Variants in FAM216A observed in about 807,000 individuals in gnomAD.
FAM216A encodes the protein family with sequence similarity 216 member A, also known as protein FAM216A.
In FAM216A, 26 loss-of-function variants were observed where a neutral mutation model predicts 37.6. The ratio of observed to expected loss-of-function variants is 0.69; its 90% CI spans 0.51 to 0.96. The LOEUF (loss-of-function observed/expected upper bound fraction) is 0.96, where lower values mean the gene tolerates loss of function less well. FAM216A is among the 40% of genes least tolerant of loss of function. FAM216A has a pLI of 0.00. For synonymous variants in FAM216A, 110 were observed against 121.7 expected (o/e 0.90, Z 0.64); for missense variants, 326 against 339.3 (o/e 0.96, Z 0.31).
upstream of FAM216A, chr12:110,468,528 C>G (rs375509832): frequency 3.3e-6 from 5 of 1,537,164 alleles, no homozygotes; most frequent in African/African-American, 5.5e-5. Context: ...GTGCTTCGGT[C>G]CGTGGTTTGC....
At chr12:110,483,160 C>T (rs2062757853) in intron 2 of FAM216A, among the ~76,000 whole-genome samples, 1 of 151,780 alleles carries the variant, frequency 6.6e-6, no homozygotes, top group South Asian at 2.1e-4. Flanking sequence ...GCCGTCTCTA[C>T]TAAAAATACA....
At chr12:110,489,918 G>A (rs1227232828) in intron 6 of FAM216A, 101 bp from the exon 7 acceptor site, 15 of 624,966 alleles carry the variant, frequency 2.4e-5, no homozygotes, top group Non-Finnish European at 3.9e-5. Flanking sequence ...CAGGCAATTT[G>A]TCTTTACTAC....
chr12:110,480,983 G>T (rs1412007704), intron 2 of FAM216A, among the ~76,000 whole-genome samples: 2 of 151,996 alleles, frequency 1.3e-5, no homozygotes, highest in Non-Finnish European at 2.9e-5. Context: ...GTATATATTT[G>T]ATTTTCCTAG....
At chr12:110,484,426 C>CAAAAAA (rs61648841) in intron 2 of FAM216A, among the ~76,000 whole-genome samples, 3 of 51,270 alleles carry the variant, frequency 5.9e-5, no homozygotes, top group Non-Finnish European at 1.0e-4. Flanking sequence ...GACTCCGTCT[C>CAAAAAA]AAAAAAAAAA....
chr12:110,485,024 A>G (rs2062769250), intron 2 of FAM216A, 54 bp from the exon 3 acceptor site: 1 of 1,562,292 alleles, frequency 6.4e-7, no homozygotes, highest in Non-Finnish European at 8.7e-7. Context: ...TTAATAATTC[A>G]GTTTGTTGAA....
chr12:110,471,771 A>G (rs2062688047), intron 1 of FAM216A, among the ~76,000 whole-genome samples: 1 of 152,234 alleles, frequency 6.6e-6, no homozygotes, highest in African/African-American at 2.4e-5. Flanking sequence ...CATAACAAAA[A>G]CTTTATAAAC....
In FAM216A at chr12:110,469,186, G is replaced by T. The variant is rs115641629; in HGVS notation, c.143+168G>T. On this transcript the variant is annotated intron_variant, in intron 1 of 6. Transcript: ENST00000377673. Reference sequence around the variant, plus strand: ...GGAGCAGTTTTGTTGTGGACAGAGGGCAGAGGGGAGGACTGCCTCGCGGTT... The same window carrying T: ...GGAGCAGTTTTGTTGTGGACAGAGGTCAGAGGGGAGGACTGCCTCGCGGTT... 2.1e-3 allele frequency: 1,626 copies of T among 767,884 alleles called. 34 individuals carry two copies. The African/African-American group carries it at 0.027, about 13-fold the overall frequency. 47.6% of individuals were successfully genotyped at this position (767,884 alleles called of 1,614,324 possible). A position where few individuals can be genotyped will look rare whatever the true frequency, so the allele number is the denominator to read the frequency against.
At chr12:110,475,349 C>T (rs2062709063) in intron 2 of FAM216A, among the ~76,000 whole-genome samples, 1 of 152,164 alleles carries the variant, frequency 6.6e-6, no homozygotes, top group Admixed American at 6.5e-5. Context: ...TCAAGCGATT[C>T]TCATGCCTCA....
chr12:110,483,152 C>T (rs569612713), intron 2 of FAM216A, among the ~76,000 whole-genome samples: 22 of 151,878 alleles, frequency 1.4e-4, no homozygotes, highest in East Asian at 5.9e-4. Flanking sequence ...AGTGAAACGC[C>T]GTCTCTACTA....
intron 2 of FAM216A, among the ~76,000 whole-genome samples, chr12:110,481,318 A>G (rs1188411619): frequency 1.3e-5 from 2 of 152,138 alleles, no homozygotes; most frequent in African/African-American, 4.8e-5. Flanking sequence ...TGGCAATTCT[A>G]TGTTTAAATG....
In FAM216A at chr12:110,489,661, G is replaced by T. The variant is rs137939976; in HGVS notation, c.704-358G>T. ...AAGGTACAGTTAGCGGAAACTGTAG[G>T]GGGGGGAGTCCCTGTGGTCCCCAAT... On this transcript the variant is annotated intron_variant, in intron 6 of 6. Coordinates refer to ENST00000377673, the MANE Select transcript of FAM216A (RefSeq NM_013300.3). 5.6e-3 allele frequency among the ~76,000 whole-genome samples: 849 copies of T among 152,106 alleles called. 14 individuals are homozygous for T. Among genetic ancestry groups the T allele is most frequent in the African/African-American group, 0.019 (788 of 41,490 alleles).
chr12:110,472,975 C>CAAA lies in FAM216A; in HGVS notation c.144-76_144-74dup, dbSNP rs879057348. The stretch of plus-strand genomic sequence containing the variant: ...TGGGTGACAAAGTGAGACCCTGTCT[C>CAAA]AAAAAAAAAAAAAAAAAAAAAAAAA... On this transcript the variant is annotated intron_variant, in intron 1 of 6. Transcript: ENST00000377673. 182 of 87,154 alleles carry CAAA rather than the reference C, an allele frequency of 2.1e-3. 1 individual carries two copies. Among genetic ancestry groups the CAAA allele is most frequent in the South Asian group, 5.6e-3 (51 of 9,152 alleles). 5.4% of individuals were successfully genotyped at this position (87,154 alleles called of 1,614,324 possible).
chr12:110,480,448 C>A (rs893819582), intron 2 of FAM216A, among the ~76,000 whole-genome samples: 1 of 151,756 alleles, frequency 6.6e-6, no homozygotes, highest in Non-Finnish European at 1.5e-5. Flanking sequence ...CGTGATCCGC[C>A]CGCCTCGGCC....
intron 1 of FAM216A, among the ~76,000 whole-genome samples, chr12:110,469,986 G>A (rs753636700): frequency 1.3e-5 from 2 of 152,110 alleles, no homozygotes; most frequent in Non-Finnish European, 2.9e-5. Flanking sequence ...CACTGCTGGA[G>A]ACTCTACCTC....
chr12:110,488,004 C>T (rs2062786565), intron 6 of FAM216A, 61 bp downstream of exon 6: 1 of 923,714 alleles, frequency 1.1e-6, no homozygotes, highest in African/African-American at 1.7e-5. Context: ...AATACTATAC[C>T]AAATACAATT....
intron 2 of FAM216A, among the ~76,000 whole-genome samples, chr12:110,484,814 G>C (rs943925121): frequency 6.6e-6 from 1 of 150,892 alleles, no homozygotes; most frequent in African/African-American, 2.4e-5. Flanking sequence ...CTGCAGTGGC[G>C]CTATCCTGGC....
chr12:110,487,847 TC>T lies in FAM216A; in HGVS notation c.621-11del. The T allele has an allele frequency of 6.6e-7, 1 of 1,506,592 alleles. No homozygotes were observed. The highest frequency in any genetic ancestry group is 1.1e-5 in the South Asian group (1 of 87,318). 93.3% of individuals were successfully genotyped at this position (1,506,592 alleles called of 1,614,324 possible). A position where few individuals can be genotyped will look rare whatever the true frequency, so the allele number is the denominator to read the frequency against. ...CTTTGCTGGCTCCAACTAAGATACTTCCCTTTCTTATAGGATAAAAACTGGA... is the reference window on the plus strand; with the variant it reads ...CTTTGCTGGCTCCAACTAAGATACTTCCTTTCTTATAGGATAAAAACTGGA... On this transcript the variant is annotated splice_polypyrimidine_tract_variant and intron_variant, in intron 5 of 6. Transcript: ENST00000377673.
intron 1 of FAM216A, among the ~76,000 whole-genome samples, chr12:110,470,097 C>T (rs2062674196): frequency 6.7e-6 from 1 of 149,888 alleles, no homozygotes; most frequent in Admixed American, 6.7e-5. Context: ...CATGGCCATC[C>T]TTTTTGTTTT....
chr12:110,486,791 C>A, intron 5 of FAM216A, 74 bp downstream of exon 5: 2 of 1,343,668 alleles, frequency 1.5e-6, no homozygotes, highest in Non-Finnish European at 1.0e-6. Context: ...GGGTTTTGTT[C>A]TCTCACCCAG....
Sources: gnomAD v4.1 joint callset for allele counts (sites outside exome capture counted in the v4.1 genomes callset) on GRCh38, gnomAD v4.1.1 for gene constraint, MANE v1.5 for transcripts, NCBI Gene and HGNC (gene_info 2026-07-23, HGNC 2026-07-21) for gene names.